CFHR5: variants seen among roughly 807,000 people sequenced by gnomAD.
CFHR5 encodes the protein complement factor H-related protein 5.
Under a neutral mutation model 62.9 loss-of-function variants are expected in CFHR5, and 73 were observed. That is an observed-to-expected ratio of 1.16 (90% CI 0.96 to 1.41). The LOEUF (loss-of-function observed/expected upper bound fraction) is 1.41, where lower values mean the gene tolerates loss of function less well. CFHR5 is among the 40% of genes most tolerant of loss of function. The probability of loss-of-function intolerance (pLI) is 0.00; values close to 1 mark genes in which losing one functional copy is unlikely to be tolerated. For missense variants in CFHR5, 779 were observed against 679.9 expected, an observed-to-expected ratio of 1.15 and a Z score of -1.62; for synonymous variants, 249 against 227.2, an observed-to-expected ratio of 1.10 and a Z score of -0.86.
chr1:196,981,220 G>A (rs928440), intron 1 of CFHR5, among the ~76,000 whole-genome samples: 29,841 of 152,006 alleles, frequency 0.2, 5,303 homozygotes, highest in African/African-American at 0.48. Flanking sequence ...CTATATTCAG[G>A]AAATATCTTG....
chr1:197,005,538 C>T (rs950017657), intron 9 of CFHR5, among the ~76,000 whole-genome samples: 14 of 152,062 alleles, frequency 9.2e-5, no homozygotes, highest in African/African-American at 2.4e-4. Context: ...ATTCTTTTAT[C>T]GGTCATGACA....
chr1:196,981,167 T>C (rs534241006), intron 1 of CFHR5, among the ~76,000 whole-genome samples: 2 of 152,284 alleles, frequency 1.3e-5, no homozygotes, highest in Admixed American at 1.3e-4. Context: ...GCATGCTTTT[T>C]CTAAATAAGG....
intron 7 of CFHR5, among the ~76,000 whole-genome samples, chr1:197,000,478 T>C (rs1318155638): frequency 6.6e-6 from 1 of 152,176 alleles, no homozygotes; most frequent in African/African-American, 2.4e-5. Flanking sequence ...GGTGGGCAAC[T>C]GAGATCATTA....
upstream of CFHR5, among the ~76,000 whole-genome samples, chr1:196,976,799 CTTTTTTTT>C (rs10588279): frequency 2.5e-3 from 250 of 98,152 alleles, no homozygotes; most frequent in African/African-American, 0.011. Flanking sequence ...AAAAATTATT[CTTTTTTTT>C]TTTTTTTTTT....
chr1:197,002,492 A>G lies in CFHR5; in HGVS notation c.1158A>G (p.Glu386=). The change falls in exon 8 of 10, where the codon GAA becomes GAG. Residue 386 remains glutamate (E), a synonymous_variant. Transcript: ENST00000256785. The stretch of plus-strand genomic sequence containing the variant: ...TCCAATATTTTGTAGAAAAAAGGGA[A>G]CAATTCTGCCCACCGCCACCTCAGA... The part of the protein sequence containing the change: ...NPEVDCTEKR[E]QFCPPPPQIP... 6.2e-7 allele frequency: 1 copy of G among 1,612,712 alleles called. No individual in the cohort carries two copies. The highest frequency in any genetic ancestry group is 8.5e-7 in the Non-Finnish European group (1 of 1,179,048).
chr1:196,985,527 G>C (rs777458939), intron 3 of CFHR5, among the ~76,000 whole-genome samples: 1 of 151,586 alleles, frequency 6.6e-6, no homozygotes, highest in Non-Finnish European at 1.5e-5. Context: ...ACTAACACTA[G>C]AAAATTCCAG....
intron 8 of CFHR5, among the ~76,000 whole-genome samples, chr1:197,003,019 G>A (rs1246986306): frequency 1.3e-5 from 2 of 152,128 alleles, no homozygotes. Flanking sequence ...TTGTGGCCTA[G>A]GACAGCAATA....
In CFHR5 at chr1:197,004,820, G is replaced by C. The variant is rs767362814; in HGVS notation, c.1490G>C (p.Trp497Ser). ...ACTGTAACATGCAGAAATAAACAGT[G>C]GTCAGAACCACCAAGATGCCTAGGT... The part of the protein sequence containing the change: ...SVTVTCRNKQ[W>S]SEPPRCLDPC... The change falls in exon 9 of 10, where the codon TGG (tryptophan) becomes TCG (serine). Residue 497 changes from tryptophan (W) to serine (S), a missense_variant. Physicochemically the swap from Trp to Ser is radical, Grantham distance 177. Coordinates refer to ENST00000256785, the MANE Select transcript of CFHR5 (RefSeq NM_030787.4). 2.8e-5 allele frequency: 45 copies of C among 1,612,928 alleles called. 1 individual carries two copies. Among genetic ancestry groups the C allele is most frequent in the Non-Finnish European group, 3.6e-5 (43 of 1,179,416 alleles).
chr1:196,983,143 A>G (rs1653586901), intron 2 of CFHR5, 64 bp downstream of exon 2: 1 of 1,602,724 alleles, frequency 6.2e-7, no homozygotes. Context: ...TGTGCCGGAC[A>G]AGATCATAAG....
rs76952885 is a variant in CFHR5 at position 196,984,828 on chromosome 1, A to G, written c.430+691A>G. 7.2e-3 allele frequency among the ~76,000 whole-genome samples: 1,101 copies of G among 152,276 alleles called. 16 individuals carry two copies. The highest frequency in any genetic ancestry group is 0.023 in the African/African-American group (949 of 41,542). Reference sequence around the variant, plus strand: ...CCACTTTCTCTCTGCTACTATGTCCAGTAACTTCTGGCCACCATAGTCACC... The same window carrying G: ...CCACTTTCTCTCTGCTACTATGTCCGGTAACTTCTGGCCACCATAGTCACC... On this transcript the variant is annotated intron_variant, in intron 3 of 9. Transcript: ENST00000256785.
chr1:196,977,778 T>G, intron 1 of CFHR5, 56 bp downstream of exon 1: 1 of 1,298,044 alleles, frequency 7.7e-7, no homozygotes, highest in African/African-American at 1.5e-5. Flanking sequence ...ATTTATTGAT[T>G]GTGTGTGTGT....
intron 3 of CFHR5, among the ~76,000 whole-genome samples, chr1:196,990,778 A>C (rs1164596552): frequency 2.0e-5 from 3 of 152,208 alleles, no homozygotes; most frequent in South Asian, 2.1e-4. Flanking sequence ...GGGTAACCCA[A>C]CCTTTCTCTC....
chr1:196,983,785 T>C (rs970676407), intron 2 of CFHR5, among the ~76,000 whole-genome samples, 176 bp from the exon 3 acceptor site: 1 of 152,140 alleles, frequency 6.6e-6, no homozygotes, highest in African/African-American at 2.4e-5. Flanking sequence ...TTCGTATATA[T>C]ATATATAGGA....
intron 9 of CFHR5, among the ~76,000 whole-genome samples, chr1:197,006,778 T>G (rs1225670218): frequency 6.6e-6 from 1 of 152,100 alleles, no homozygotes; most frequent in African/African-American, 2.4e-5. Context: ...TCATGGGTAT[T>G]GAATGAAGTA....
chr1:196,996,991 C>T (rs1654009309), intron 6 of CFHR5, among the ~76,000 whole-genome samples: 1 of 151,910 alleles, frequency 6.6e-6, no homozygotes, highest in Non-Finnish European at 1.5e-5. Flanking sequence ...TTTCCCGACA[C>T]CCTCAGATCC....
chr1:196,978,540 A>G (rs1250129353), intron 1 of CFHR5, among the ~76,000 whole-genome samples: 1 of 152,176 alleles, frequency 6.6e-6, no homozygotes, highest in Admixed American at 6.5e-5. Context: ...TCTAATGTTT[A>G]CAGATCTTTA....
At chr1:196,997,527 CAAT>C (rs1186869554) in intron 6 of CFHR5, among the ~76,000 whole-genome samples, 1 of 152,038 alleles carries the variant, frequency 6.6e-6, no homozygotes, top group African/African-American at 2.4e-5. Context: ...AAAAATGTAA[CAAT>C]GAGAACTACT....
At chr1:196,975,819 G>A (rs536756985), upstream of CFHR5, among the ~76,000 whole-genome samples, 1 of 152,258 alleles carries the variant, frequency 6.6e-6, no homozygotes, top group East Asian at 1.9e-4. Flanking sequence ...CAGGCACAGG[G>A]CAGGTAGAGA....
chr1:196,976,950 G>A (rs549581859), upstream of CFHR5, among the ~76,000 whole-genome samples: 1 of 151,356 alleles, frequency 6.6e-6, no homozygotes, highest in Non-Finnish European at 1.5e-5. Flanking sequence ...GACTACAGGC[G>A]CCCGCCACCA....
Sources: allele counts gnomAD v4.1 joint callset (sites outside exome capture counted in the v4.1 genomes callset), GRCh38; gene constraint gnomAD v4.1.1; transcripts MANE v1.5; gene names NCBI Gene and HGNC (gene_info 2026-07-23, HGNC 2026-07-21).